The following SPATA6 variants were observed in gnomAD, a reference collection of about 807,000 sequenced individuals.
SPATA6 encodes the protein spermatogenesis-associated protein 6.
Under a neutral mutation model 65.3 loss-of-function variants are expected in SPATA6, and 56 were observed. The observed-to-expected ratio is 0.86, with a 90% confidence interval of 0.69 to 1.07. The LOEUF is 1.07. SPATA6 is among the 50% of genes least tolerant of loss of function. SPATA6 has a pLI of 0.00. For missense variants in SPATA6, 590 were observed against 594.8 expected, an observed-to-expected ratio of 0.99 and a Z score of 0.08; for synonymous variants, 199 against 213.2, an observed-to-expected ratio of 0.93 and a Z score of 0.58.
In SPATA6 at chr1:48,359,645, G is replaced by A; in HGVS notation, c.1035C>T (p.Pro345=). Residue 345 remains proline (P), a synonymous_variant, in exon 10 of 13, where the codon CCC becomes CCT. Coordinates refer to ENST00000371847, the MANE Select transcript of SPATA6 (RefSeq NM_019073.4). Reference sequence around the variant, plus strand: ...TTGGAGAATGCTTTGGCATTGTTGAGGGTGCTGAATGGACTAGCAAGGTCC... The same window carrying A: ...TTGGAGAATGCTTTGGCATTGTTGAAGGTGCTGAATGGACTAGCAAGGTCC... ...SARTLLVHSA[P]STMPKHSPSP... 1 of 1,613,740 alleles carries A rather than the reference G, an allele frequency of 6.2e-7. No individual in the cohort carries two copies. The highest frequency in any genetic ancestry group is 8.5e-7 in the Non-Finnish European group (1 of 1,179,780).
At chr1:48,433,684 C>A (rs577419734) in intron 3 of SPATA6, among the ~76,000 whole-genome samples, 21 of 152,248 alleles carry the variant, frequency 1.4e-4, no homozygotes, top group African/African-American at 4.8e-4. Flanking sequence ...TTTACCTCCC[C>A]AAACTATAAA....
intron 12 of SPATA6, among the ~76,000 whole-genome samples, chr1:48,304,414 G>C (rs1645010888): frequency 1.3e-5 from 2 of 152,014 alleles, no homozygotes; most frequent in African/African-American, 4.8e-5. Flanking sequence ...CCAATATTGG[G>C]GTTTACGGCA....
the SPATA6 span, among the ~76,000 whole-genome samples, chr1:48,275,288 G>A: frequency 1.3e-5 from 2 of 152,190 alleles, no homozygotes; most frequent in Non-Finnish European, 2.9e-5. Context: ...TCTGCAAAGA[G>A]AGACAATTTG....
chr1:48,364,556 T>C (rs557515440), intron 9 of SPATA6, among the ~76,000 whole-genome samples: 17 of 152,372 alleles, frequency 1.1e-4, no homozygotes, highest in Middle Eastern at 3.4e-3. Flanking sequence ...TGGCCAGGGA[T>C]GATGAGCATT....
chr1:48,436,257 T>C, intron 3 of SPATA6: 1 of 1,613,816 alleles, frequency 6.2e-7, no homozygotes, highest in Non-Finnish European at 8.5e-7. Flanking sequence ...AAAACTGCAA[T>C]GAAGAACGCC....
Position 48,411,526 on chromosome 1 carries a change from G to C in SPATA6, c.343C>G (p.Gln115Glu), listed in dbSNP as rs1290034974. ...TRDFMFPGPN[Q>E]MSGHHDSNRQ... The stretch of plus-strand genomic sequence containing the variant: ...TTTGAATCATGGTGTCCAGACATTT[G>C]GTTTGGACCCGGAAACATGAAATCT... The change falls in exon 5 of 13, where the codon CAA (glutamine) becomes GAA (glutamate). Residue 115 changes from glutamine to glutamate, a missense_variant. Gln to Glu is a conservative substitution (Grantham distance 29, BLOSUM62 2). Transcript: ENST00000371847. 6.2e-7 allele frequency: 1 copy of C among 1,611,224 alleles called. No individual in the cohort carries two copies. Among genetic ancestry groups the C allele is most frequent in the Non-Finnish European group, 8.5e-7 (1 of 1,178,764 alleles).
intron 11 of SPATA6, among the ~76,000 whole-genome samples, chr1:48,321,558 A>G (rs1645599356): frequency 6.6e-6 from 1 of 152,202 alleles, no homozygotes; most frequent in Admixed American, 6.5e-5. Flanking sequence ...GATAGATCCC[A>G]ATACAGTAAT....
intron 3 of SPATA6, chr1:48,437,062 C>T: frequency 6.2e-7 from 1 of 1,600,688 alleles, no homozygotes; most frequent in Non-Finnish European, 8.6e-7. Flanking sequence ...TTTATTGTCC[C>T]ATGTTTTCTT....
chr1:48,430,309 T>C (rs1227783412), intron 3 of SPATA6, among the ~76,000 whole-genome samples: 1 of 151,796 alleles, frequency 6.6e-6, no homozygotes, highest in Admixed American at 6.6e-5. Context: ...AAACTGGAGG[T>C]CAGAAGGCAG....
intron 3 of SPATA6, among the ~76,000 whole-genome samples, chr1:48,427,257 T>C (rs1309320217): frequency 6.6e-6 from 1 of 151,794 alleles, no homozygotes; most frequent in East Asian, 1.9e-4. Context: ...TGAATATGAA[T>C]TAAAATAAAC....
At chr1:48,282,948 G>A in the SPATA6 span, among the ~76,000 whole-genome samples, 7 of 152,020 alleles carry the variant, frequency 4.6e-5, no homozygotes, top group Non-Finnish European at 8.8e-5. Flanking sequence ...ATCCAACAAT[G>A]ATAGACTGGA....
chr1:48,298,845 G>C lies in SPATA6; in HGVS notation c.1335C>G (p.Tyr445Ter), dbSNP rs1211959853. Residue 445 changes from tyrosine to a stop codon, truncating the protein, a stop_gained, in exon 13 of 13, where the codon TAC becomes TAG. Transcript: ENST00000371847. LOFTEE classifies it high-confidence loss of function. ...TATAAGAGGCTGCCCTGTTGGACCA[G>C]TATTCACCGTCATCCAAATGGAAAG... is the stretch of plus-strand genomic sequence containing the variant. The part of the protein sequence containing the change: ...RGTFHLDDGE[Y>*]WSNRAASYKG... 1.9e-6 allele frequency: 3 copies of C among 1,613,812 alleles called. No individual in the cohort carries two copies. Among genetic ancestry groups the C allele is most frequent in the Non-Finnish European group, 2.5e-6 (3 of 1,179,924 alleles).
At chr1:48,363,292 C>T (rs771002264) in intron 9 of SPATA6, among the ~76,000 whole-genome samples, 19 of 152,082 alleles carry the variant, frequency 1.2e-4, no homozygotes, top group Admixed American at 2.0e-4. Flanking sequence ...AGATCATTTC[C>T]TTTCAAAAGC....
rs144698998 is a variant in SPATA6 at position 48,387,882 on chromosome 1, C to T, written c.869-2533G>A. On this transcript the variant is annotated intron_variant, in intron 8 of 12. Coordinates refer to ENST00000371847, the MANE Select transcript of SPATA6 (RefSeq NM_019073.4). Reference sequence around the variant, plus strand: ...AGCCACTGTCAAAAACAATGCACACCGCTTGGGACCCAGAGGGTCATCCTG... The same window carrying T: ...AGCCACTGTCAAAAACAATGCACACTGCTTGGGACCCAGAGGGTCATCCTG... 2.7e-3 allele frequency among the ~76,000 whole-genome samples: 407 copies of T among 152,306 alleles called. 2 individuals carry two copies. The highest frequency in any genetic ancestry group is 9.3e-3 in the African/African-American group (386 of 41,574).
At chr1:48,397,151 T>C (rs1650673308) in intron 7 of SPATA6, among the ~76,000 whole-genome samples, 2 of 151,580 alleles carry the variant, frequency 1.3e-5, no homozygotes, top group Admixed American at 1.3e-4. Flanking sequence ...AATGGTAGAA[T>C]AGGCAAATTC....
chr1:48,271,215 G>A, the SPATA6 span, among the ~76,000 whole-genome samples: 1 of 152,108 alleles, frequency 6.6e-6, no homozygotes, highest in Admixed American at 6.6e-5. Flanking sequence ...ACCCCTTGCA[G>A]TAGCAGTTTA....
downstream of SPATA6, among the ~76,000 whole-genome samples, chr1:48,291,390 C>G (rs537863612): frequency 2.9e-4 from 44 of 152,116 alleles, no homozygotes; most frequent in Admixed American, 4.6e-4. Flanking sequence ...TCTCCTCGGG[C>G]TGGGCTTGCT....
intron 3 of SPATA6, among the ~76,000 whole-genome samples, chr1:48,415,085 G>C (rs1652630516): frequency 6.6e-6 from 1 of 152,138 alleles, no homozygotes; most frequent in African/African-American, 2.4e-5. Context: ...ACTGAAATGG[G>C]AATAAAGGTG....
intron 11 of SPATA6, among the ~76,000 whole-genome samples, chr1:48,341,245 G>C (rs533805103): frequency 3.3e-5 from 5 of 152,218 alleles, no homozygotes; most frequent in Non-Finnish European, 7.4e-5. Context: ...AATACACACA[G>C]TAGTACCCCT....
Sources: allele counts gnomAD v4.1 joint callset (sites outside exome capture counted in the v4.1 genomes callset), GRCh38; gene constraint gnomAD v4.1.1; transcripts MANE v1.5; gene names NCBI Gene and HGNC (gene_info 2026-07-23, HGNC 2026-07-21).